The following NELL1 variants were observed in gnomAD, a reference collection of about 807,000 sequenced individuals.
NELL1 encodes the protein protein kinase C-binding protein NELL1.
In NELL1, 76 loss-of-function variants were observed where a neutral mutation model predicts 107.4. That is an observed-to-expected ratio of 0.71 (90% confidence interval 0.59 to 0.86). NELL1 has a LOEUF of 0.86. Ranked by LOEUF, NELL1 falls within the 40% of genes least tolerant of loss-of-function variation. The pLI, the probability that NELL1 is intolerant of heterozygous loss-of-function variation, is 0.00. For missense variants in NELL1, 1,024 were observed against 1,005.5 expected, an observed-to-expected ratio of 1.02 and a Z score of -0.25; for synonymous variants, 353 against 341.2, an observed-to-expected ratio of 1.03 and a Z score of -0.38.
chr11:21,341,483 C>T (rs1850563427), intron 14 of NELL1, among the ~76,000 whole-genome samples: 2 of 152,076 alleles, frequency 1.3e-5, no homozygotes, highest in South Asian at 2.1e-4. Context: ...TAAACAAAGC[C>T]TCATGTTGGT....
intron 3 of NELL1, among the ~76,000 whole-genome samples, chr11:20,806,101 G>A (rs889770618): frequency 4.7e-5 from 7 of 148,932 alleles, no homozygotes; most frequent in African/African-American, 1.7e-4. Flanking sequence ...TACCTTCAGT[G>A]ATTACTTACT....
chr11:21,035,535 C>T (rs1029903051), intron 12 of NELL1, among the ~76,000 whole-genome samples: 2 of 151,356 alleles, frequency 1.3e-5, no homozygotes, highest in Non-Finnish European at 2.9e-5. Context: ...GCTTATTCAC[C>T]ACGATCAAGT....
chr11:21,545,715 T>G (rs1452946554), intron 16 of NELL1, among the ~76,000 whole-genome samples: 1 of 151,944 alleles, frequency 6.6e-6, no homozygotes, highest in Non-Finnish European at 1.5e-5. Flanking sequence ...GAAAACAGAA[T>G]GAGAGGGGGC....
At position 21,113,993 on chromosome 11, in the gene NELL1, G is replaced by A. The variant is rs148409036; in HGVS notation, c.1426+279G>A. Among the ~76,000 whole-genome samples the A allele has an allele frequency of 5.1e-3, 772 of 152,082 alleles. 9 individuals are homozygous for A. Among genetic ancestry groups the A allele is most frequent in the African/African-American group, 0.018 (748 of 41,502 alleles). On this transcript the variant is annotated intron_variant, in intron 13 of 19. Coordinates refer to ENST00000357134, the MANE Select transcript of NELL1 (RefSeq NM_006157.5). ...AGTTGCCAATAGTAACACTGAGGGA[G>A]TTAGATATACTAGTTCTAAAAATAG...
At chr11:21,032,244 A>G (rs1318015449) in intron 12 of NELL1, among the ~76,000 whole-genome samples, 17 of 152,038 alleles carry the variant, frequency 1.1e-4, no homozygotes, top group Non-Finnish European at 7.4e-5. Flanking sequence ...GCATGTCTTT[A>G]TAACTTCACT....
chr11:21,468,655 G>A (rs747982153), intron 15 of NELL1, among the ~76,000 whole-genome samples: 3 of 152,078 alleles, frequency 2.0e-5, no homozygotes, highest in Admixed American at 1.3e-4. Context: ...TAGAACCTAT[G>A]ACCATACCTA....
chr11:21,367,281 C>T (rs2133747862), intron 14 of NELL1, among the ~76,000 whole-genome samples: 1 of 151,734 alleles, frequency 6.6e-6, no homozygotes, highest in African/African-American at 2.4e-5. Context: ...CACACACACA[C>T]ACACACACAC....
At chr11:20,895,757 C>T (rs1256726991) in intron 5 of NELL1, among the ~76,000 whole-genome samples, 1 of 152,028 alleles carries the variant, frequency 6.6e-6, no homozygotes, top group African/African-American at 2.4e-5. Flanking sequence ...CCACCCACCT[C>T]GGCCTCCCAA....
chr11:20,983,599 G>A (rs946162816), intron 12 of NELL1, among the ~76,000 whole-genome samples: 3 of 152,040 alleles, frequency 2.0e-5, no homozygotes, highest in Non-Finnish European at 4.4e-5. Context: ...AAGTCCAGTC[G>A]ATTACCAGAC....
chr11:20,881,663 G>A (rs749097486), intron 4 of NELL1, among the ~76,000 whole-genome samples: 61 of 151,908 alleles, frequency 4.0e-4, no homozygotes, highest in Non-Finnish European at 7.6e-4. Context: ...ACTCAGTGTA[G>A]TGTCTCCTTT....
Position 20,704,022 on chromosome 11 carries a change from G to A in NELL1, c.184+25962G>A, listed in dbSNP as rs180689442. Among the ~76,000 whole-genome samples, 235 of 152,226 alleles carry A rather than the reference G, an allele frequency of 1.5e-3. 1 individual carries two copies. The highest frequency in any genetic ancestry group is 5.2e-3 in the African/African-American group (214 of 41,550). Reference sequence around the variant, plus strand: ...AGTTCTGTAGATGTCTATTAGGTCCGCTTGGTGTAGAGCTGAGTTCAATTC... The same window carrying A: ...AGTTCTGTAGATGTCTATTAGGTCCACTTGGTGTAGAGCTGAGTTCAATTC... On this transcript the variant is annotated intron_variant, in intron 2 of 19. Coordinates refer to ENST00000357134, the MANE Select transcript of NELL1 (RefSeq NM_006157.5).
intron 2 of NELL1, among the ~76,000 whole-genome samples, chr11:20,747,038 T>A (rs1390532881): frequency 6.6e-6 from 1 of 152,202 alleles, no homozygotes; most frequent in Non-Finnish European, 1.5e-5. Flanking sequence ...CTCACAGATA[T>A]GTCTTGTTCA....
chr11:20,796,616 TGATTA>T (rs1857173699), intron 3 of NELL1, among the ~76,000 whole-genome samples: 1 of 152,226 alleles, frequency 6.6e-6, no homozygotes, highest in Non-Finnish European at 1.5e-5. Flanking sequence ...TGGGTGTCTA[TGATTA>T]GAGAGTCTTT....
chr11:20,683,928 G>C (rs975013372), intron 2 of NELL1, among the ~76,000 whole-genome samples: 4 of 150,504 alleles, frequency 2.7e-5, no homozygotes, highest in African/African-American at 9.7e-5. Flanking sequence ...GATGTCCCTG[G>C]TGTGGTTTTT....
chr11:21,287,617 C>T (rs1045080872), intron 14 of NELL1, among the ~76,000 whole-genome samples: 1 of 152,154 alleles, frequency 6.6e-6, no homozygotes, highest in Admixed American at 6.6e-5. Context: ...ACCATCTATT[C>T]TCTCTAGATC....
intron 12 of NELL1, among the ~76,000 whole-genome samples, chr11:21,007,143 A>T (rs1590531534): frequency 1.3e-5 from 2 of 152,114 alleles, no homozygotes; most frequent in African/African-American, 4.8e-5. Flanking sequence ...ATCCTGTCTC[A>T]TAAGTAGGGA....
intron 2 of NELL1, among the ~76,000 whole-genome samples, chr11:20,776,221 T>C (rs1856747025): frequency 1.3e-5 from 2 of 152,144 alleles, no homozygotes; most frequent in Non-Finnish European, 2.9e-5. Context: ...GTGGATCACC[T>C]GAGCCCAGGA....
intron 14 of NELL1, among the ~76,000 whole-genome samples, chr11:21,292,434 C>A (rs1215636014): frequency 6.6e-6 from 1 of 152,104 alleles, no homozygotes; most frequent in Non-Finnish European, 1.5e-5. Context: ...AGAGAGGACA[C>A]AAACAAATGC....
At chr11:20,767,408 A>G (rs1295359608) in intron 2 of NELL1, among the ~76,000 whole-genome samples, 1 of 152,152 alleles carries the variant, frequency 6.6e-6, no homozygotes, top group Non-Finnish European at 1.5e-5. Flanking sequence ...CAGAGTGCTG[A>G]TGGTTGTGTT....
Sources: allele counts gnomAD v4.1 joint callset (sites outside exome capture counted in the v4.1 genomes callset), GRCh38; gene constraint gnomAD v4.1.1; transcripts MANE v1.5; gene names NCBI Gene and HGNC (gene_info 2026-07-23, HGNC 2026-07-21).